The following DPH6 variants were observed in gnomAD, a reference collection of about 807,000 sequenced individuals.
DPH6 encodes the protein diphthine--ammonia ligase.
DPH6 carries 33 observed loss-of-function variants against 38.2 expected under a neutral mutation model. The ratio of observed to expected loss-of-function variants is 0.86; its 90% CI spans 0.65 to 1.15. The LOEUF is 1.15. Among genes scored for constraint, DPH6 ranks in the 50% most tolerant of loss-of-function variants. The probability of loss-of-function intolerance (pLI) is 0.00; values close to 1 mark genes in which losing one functional copy is unlikely to be tolerated. For synonymous variants in DPH6, 108 were observed against 103.0 expected (o/e 1.05, Z -0.30); for missense variants, 325 against 320.0 (o/e 1.02, Z -0.12).
chr15:35,517,191 A>C (rs1430067236), intron 3 of DPH6, among the ~76,000 whole-genome samples: 3 of 152,070 alleles, frequency 2.0e-5, no homozygotes, highest in Non-Finnish European at 4.4e-5. Flanking sequence ...ACTGCTAATA[A>C]AATTATCATT....
chr15:35,255,391 C>G (rs1294538265), intron 3 of DPH6, among the ~76,000 whole-genome samples: 1 of 152,154 alleles, frequency 6.6e-6, no homozygotes, highest in East Asian at 1.9e-4. Flanking sequence ...TAAATGAGGG[C>G]TGAAGACTAT....
the DPH6 span, among the ~76,000 whole-genome samples, chr15:35,147,146 T>G: frequency 6.6e-6 from 1 of 152,186 alleles, no homozygotes; most frequent in Admixed American, 6.5e-5. Context: ...ATTAACTCAT[T>G]TATTCCTCTA....
the DPH6 span, among the ~76,000 whole-genome samples, chr15:35,152,705 C>T: frequency 7.2e-5 from 11 of 152,072 alleles, no homozygotes; most frequent in Non-Finnish European, 1.2e-4. Flanking sequence ...CACCATGTTG[C>T]CCAGGCTCTT....
intron 1 of DPH6, 47 bp from the exon 2 acceptor site, chr15:35,542,554 T>C (rs955887175): frequency 1.4e-5 from 20 of 1,468,468 alleles, no homozygotes; most frequent in Non-Finnish European, 1.7e-5. Context: ...TACTGACCAT[T>C]ATTCAACATA....
intron 5 of DPH6, among the ~76,000 whole-genome samples, chr15:35,436,509 C>A (rs373674015): frequency 0.11 from 11,620 of 106,672 alleles, 1,861 homozygotes; most frequent in African/African-American, 0.37. Flanking sequence ...CAAAACAAAA[C>A]AAAACAAAAA....
At chr15:35,428,755 T>C (rs577777194) in intron 5 of DPH6, among the ~76,000 whole-genome samples, 1 of 152,232 alleles carries the variant, frequency 6.6e-6, no homozygotes, top group Non-Finnish European at 1.5e-5. Context: ...AGTAACCTGC[T>C]GCCTTTACTT....
intron 3 of DPH6, among the ~76,000 whole-genome samples, chr15:35,491,762 CATATAA>C (rs1035184320): frequency 1.3e-5 from 2 of 150,040 alleles, no homozygotes; most frequent in African/African-American, 4.9e-5. Context: ...TATGTATACA[CATATAA>C]ATATATGTAT....
At chr15:35,245,725 C>T (rs2051633735) in intron 3 of DPH6, among the ~76,000 whole-genome samples, 1 of 151,958 alleles carries the variant, frequency 6.6e-6, no homozygotes, top group Non-Finnish European at 1.5e-5. Flanking sequence ...AACAAATCAA[C>T]ACATTTTAAC....
At chr15:35,531,264 T>C (rs2055082809) in intron 3 of DPH6, among the ~76,000 whole-genome samples, 1 of 152,216 alleles carries the variant, frequency 6.6e-6, no homozygotes, top group Admixed American at 6.5e-5. Flanking sequence ...GAGTTTCTGC[T>C]CAGCATTTTC....
chr15:35,217,615 G>A (rs2140382058), exon 4 of DPH6: 1 of 152,428 alleles, frequency 6.6e-6, no homozygotes, highest in East Asian at 1.9e-4. Context: ...GCCTCCCAAA[G>A]TGCTGGGATT....
At chr15:35,262,203 T>C (rs1040628803) in intron 3 of DPH6, among the ~76,000 whole-genome samples, 18 of 152,200 alleles carry the variant, frequency 1.2e-4, no homozygotes, top group Admixed American at 1.2e-3. Flanking sequence ...TTAAATTTAT[T>C]ACATGGTGGC....
intron 3 of DPH6, among the ~76,000 whole-genome samples, chr15:35,248,680 T>C (rs1470552739): frequency 7.2e-5 from 11 of 152,256 alleles, no homozygotes; most frequent in Admixed American, 3.9e-4. Flanking sequence ...GTTATGCTTT[T>C]GTCAGTCTGT....
the DPH6 span, among the ~76,000 whole-genome samples, chr15:35,164,968 G>C: frequency 6.6e-6 from 1 of 151,822 alleles, no homozygotes; most frequent in Non-Finnish European, 1.5e-5. Context: ...TTTTGTAATA[G>C]AATAATAAAT....
the DPH6 span, among the ~76,000 whole-genome samples, chr15:35,194,071 T>C: frequency 6.6e-6 from 1 of 152,174 alleles, no homozygotes; most frequent in Non-Finnish European, 1.5e-5. Context: ...CTGATGCCAG[T>C]CAAAGAAGAT....
At chr15:35,404,858 G>A (rs905387324) in intron 6 of DPH6, among the ~76,000 whole-genome samples, 10 of 152,068 alleles carry the variant, frequency 6.6e-5, no homozygotes, top group Non-Finnish European at 1.3e-4. Flanking sequence ...ATAATTTGAG[G>A]TGTTAGATTT....
At chr15:35,227,518 T>G (rs946826105) in intron 3 of DPH6, among the ~76,000 whole-genome samples, 1 of 152,016 alleles carries the variant, frequency 6.6e-6, no homozygotes, top group Non-Finnish European at 1.5e-5. Context: ...TTTATTTGGC[T>G]CTTCTCATTT....
chr15:35,492,937 T>C (rs1012940294), intron 3 of DPH6, among the ~76,000 whole-genome samples: 5 of 152,186 alleles, frequency 3.3e-5, no homozygotes, highest in Admixed American at 6.5e-5. Flanking sequence ...TTTGGTTTAC[T>C]AGACACAAGA....
chr15:35,322,969 C>A (rs2052253113), intron 3 of DPH6, among the ~76,000 whole-genome samples: 1 of 152,094 alleles, frequency 6.6e-6, no homozygotes, highest in Non-Finnish European at 1.5e-5. Flanking sequence ...GGAAAACTCT[C>A]TTCAGTTTTC....
At chr15:35,341,575 T>G (rs914976047) in intron 3 of DPH6, among the ~76,000 whole-genome samples, 1 of 152,294 alleles carries the variant, frequency 6.6e-6, no homozygotes, top group South Asian at 2.1e-4. Flanking sequence ...GTTGATGTTG[T>G]TTTTTCTGTT....
Sources: gnomAD v4.1 joint callset for allele counts (sites outside exome capture counted in the v4.1 genomes callset) on GRCh38, gnomAD v4.1.1 for gene constraint, MANE v1.5 for transcripts, NCBI Gene and HGNC (gene_info 2026-07-23, HGNC 2026-07-21) for gene names.